The following IRAK4 variants were observed in gnomAD, a reference collection of about 807,000 sequenced individuals.
IRAK4 encodes interleukin-1 receptor-associated kinase 4.
IRAK4 carries 44 observed loss-of-function variants against 51.8 expected under a neutral mutation model. That is an observed-to-expected ratio of 0.85 (90% CI 0.67 to 1.09). The LOEUF (loss-of-function observed/expected upper bound fraction) is 1.09. Among genes scored for constraint, IRAK4 ranks in the 50% least tolerant of loss-of-function variants. The pLI, the probability that IRAK4 is intolerant of heterozygous loss-of-function variation, is 0.00. For missense variants in IRAK4, 487 were observed against 538.0 expected (o/e 0.91, Z 0.94); for synonymous variants, 149 against 174.1 (o/e 0.86, Z 1.13).
At position 43,779,024 on chromosome 12, in the gene IRAK4, A is replaced by G. The variant is rs536701996; in HGVS notation, c.941+722A>G. Among the ~76,000 whole-genome samples the G allele has an allele frequency of 2.6e-5, 4 of 152,228 alleles. No homozygotes were observed. The East Asian group carries it at 7.7e-4, about 29-fold the overall frequency. ...TACAAGAAATGAAATATGCTTTGGGAGCCAAGATAGGAGGATCATTTGAGG... is the reference window on the plus strand; with the variant it reads ...TACAAGAAATGAAATATGCTTTGGGGGCCAAGATAGGAGGATCATTTGAGG... On this transcript the variant is annotated intron_variant, in intron 8 of 11. Coordinates refer to ENST00000613694, the MANE Select transcript of IRAK4 (RefSeq NM_016123.4).
chr12:43,773,402 A>C (rs1940976595), intron 5 of IRAK4, among the ~76,000 whole-genome samples: 1 of 152,090 alleles, frequency 6.6e-6, no homozygotes, highest in African/African-American at 2.4e-5. Context: ...TTTTTAAAAA[A>C]CCTTGTTTGC....
intron 6 of IRAK4, among the ~76,000 whole-genome samples, chr12:43,776,046 T>C (rs1265111966): frequency 6.6e-6 from 1 of 151,926 alleles, no homozygotes; most frequent in East Asian, 1.9e-4. Context: ...CATGCCCGGC[T>C]AATTTTGTTT....
At chr12:43,765,627 TTG>T (rs1940048659) in intron 1 of IRAK4, among the ~76,000 whole-genome samples, 2 of 136,622 alleles carry the variant, frequency 1.5e-5, no homozygotes, top group Non-Finnish European at 3.0e-5. Flanking sequence ...GAAATACATT[TTG>T]CAAAAAAAAA....
At chr12:43,776,477 A>T (rs563029466) in intron 6 of IRAK4, among the ~76,000 whole-genome samples, 1 of 152,254 alleles carries the variant, frequency 6.6e-6, no homozygotes, top group Non-Finnish European at 1.5e-5. Flanking sequence ...AATTGATATA[A>T]TGAACTGCTA....
intron 2 of IRAK4, chr12:43,770,923 T>C: frequency 1.8e-6 from 1 of 547,682 alleles, no homozygotes; most frequent in Non-Finnish European, 3.4e-6. Context: ...AGGGAGTGGG[T>C]TTCTGATAAA....
chr12:43,775,762 T>A (rs1201942376), intron 6 of IRAK4, among the ~76,000 whole-genome samples: 1 of 152,088 alleles, frequency 6.6e-6, no homozygotes, highest in Non-Finnish European at 1.5e-5. Context: ...ATGCATGAAC[T>A]TTTTAAAGAC....
chr12:43,775,882 T>C (rs2137979716), intron 6 of IRAK4, among the ~76,000 whole-genome samples: 1 of 138,822 alleles, frequency 7.2e-6, no homozygotes, highest in Middle Eastern at 3.6e-3. Flanking sequence ...TACTTTTTTT[T>C]TTTTTTTTTT....
At chr12:43,779,073 G>T (rs1040316652) in intron 8 of IRAK4, among the ~76,000 whole-genome samples, 1 of 152,082 alleles carries the variant, frequency 6.6e-6, no homozygotes, top group Non-Finnish European at 1.5e-5. Context: ...ACCTGACTAT[G>T]TTCCCTGAAC....
rs372909606 is a variant in IRAK4 at position 43,783,730 on chromosome 12, T to C, written c.1188+6T>C. 3.2e-6 allele frequency: 5 copies of C among 1,581,970 alleles called. No homozygotes were observed. Among genetic ancestry groups the C allele is most frequent in the Non-Finnish European group, 4.3e-6 (5 of 1,151,930 alleles). On this transcript the variant is annotated splice_donor_region_variant and intron_variant, in intron 10 of 11. Coordinates refer to ENST00000613694, the MANE Select transcript of IRAK4 (RefSeq NM_016123.4). ...ACCGTGAACCTCAGTTATTGGTAAATGAAATATTCATTTTCCTCAATCCTT... is the reference window on the plus strand; with the variant it reads ...ACCGTGAACCTCAGTTATTGGTAAACGAAATATTCATTTTCCTCAATCCTT...
At position 43,777,714 on chromosome 12, in the gene IRAK4, T is replaced by G; in HGVS notation, c.801T>G (p.Asn267Lys). ...DLCLVYVYMP[N>K]GSLLDRLSCL... Reference sequence around the variant, plus strand: ...GCTTAGTATATGTTTACATGCCTAATGGTTCATTGCTAGACAGACTCTCTT... The same window carrying G: ...GCTTAGTATATGTTTACATGCCTAAGGGTTCATTGCTAGACAGACTCTCTT... Residue 267 changes from asparagine (N) to lysine (K), a missense_variant, in exon 7 of 12, where the codon AAT becomes AAG. Coordinates refer to ENST00000613694, the MANE Select transcript of IRAK4 (RefSeq NM_016123.4). 6.2e-7 allele frequency: 1 copy of G among 1,613,356 alleles called. No homozygotes were observed. The highest frequency in any genetic ancestry group is 2.2e-5 in the East Asian group (1 of 44,740).
At chr12:43,770,506 G>A (rs546391945) in intron 2 of IRAK4, among the ~76,000 whole-genome samples, 1 of 152,254 alleles carries the variant, frequency 6.6e-6, no homozygotes, top group East Asian at 1.9e-4. Flanking sequence ...AAATTCATAT[G>A]ATAATCATAA....
chr12:43,770,801 T>C (rs1043068173), intron 2 of IRAK4, among the ~76,000 whole-genome samples: 5 of 152,192 alleles, frequency 3.3e-5, no homozygotes, highest in South Asian at 2.1e-4. Context: ...AGAAACTTAA[T>C]ACCCATTGCA....
chr12:43,761,048 A>G (rs1939495671), intron 1 of IRAK4: 1 of 152,180 alleles, frequency 6.6e-6, no homozygotes, highest in Non-Finnish European at 1.5e-5. Context: ...GTGTTGGATC[A>G]ATGTTCAAGA....
Position 43,768,201 on chromosome 12 carries a change from A to G in IRAK4, c.90A>G (p.Glu30=). The G allele has an allele frequency of 1.2e-6, 2 of 1,613,524 alleles. No homozygotes were observed. Among genetic ancestry groups the G allele is most frequent in the South Asian group, 2.2e-5 (2 of 91,038 alleles). ...TGTCAGATTTTATTGATCCTCAAGA[A>G]GGATGGAAGAAGTTAGCTGTAGCTA... The part of the protein sequence containing the change: ...RKLSDFIDPQ[E]GWKKLAVAIK... Residue 30 remains glutamate, a synonymous_variant, in exon 2 of 12, where the codon GAA becomes GAG. Transcript: ENST00000613694.
intron 1 of IRAK4, chr12:43,760,837 T>A (rs1939462962): frequency 1.3e-5 from 2 of 152,234 alleles, no homozygotes; most frequent in South Asian, 4.1e-4. Flanking sequence ...ATTGCCTTCC[T>A]TCCTCCATTA....
rs780681951 is a variant in IRAK4, at chr12:43,782,338, G to A, written c.973G>A (p.Ala325Thr). Residue 325 changes from alanine to threonine, a missense_variant, in exon 9 of 12, where the codon GCT becomes ACT. Physicochemically the swap from Ala to Thr is moderately conservative, Grantham distance 58. Coordinates refer to ENST00000613694, the MANE Select transcript of IRAK4 (RefSeq NM_016123.4). ...TATCTTACTGGATGAAGCTTTTACTGCTAAAATATCTGACTTTGGCCTTGC... is the reference window on the plus strand; with the variant it reads ...TATCTTACTGGATGAAGCTTTTACTACTAAAATATCTGACTTTGGCCTTGC... ...ANILLDEAFT[A>T]KISDFGLARA... is the part of the protein sequence containing the mutation. 2 of 1,613,508 alleles carry A rather than the reference G, an allele frequency of 1.2e-6. No homozygotes were observed. Among genetic ancestry groups the A allele is most frequent in the South Asian group, 2.2e-5 (2 of 91,054 alleles).
At chr12:43,773,902 TC>T in intron 5 of IRAK4, 62 bp from the exon 6 acceptor site, 1 of 1,020,062 alleles carries the variant, frequency 9.8e-7, no homozygotes. Flanking sequence ...GATCTCTTGA[TC>T]CCTCTGAGCA....
chr12:43,768,277 CA>C lies in IRAK4; in HGVS notation c.161+6del. 1 of 1,598,002 alleles carries C rather than the reference CA, an allele frequency of 6.3e-7. No homozygotes were observed. The highest frequency in any genetic ancestry group is 8.6e-7 in the Non-Finnish European group (1 of 1,166,832). On this transcript the variant is annotated splice_donor_region_variant and intron_variant, in intron 2 of 11. Coordinates refer to ENST00000613694, the MANE Select transcript of IRAK4 (RefSeq NM_016123.4). Reference sequence around the variant, plus strand: ...ATACAATCAGTTTCACATAAGGTAACAGATAAAATTCTTTGTATTTTTAAAT... The same window carrying C: ...ATACAATCAGTTTCACATAAGGTAACGATAAAATTCTTTGTATTTTTAAAT...
chr12:43,776,786 A>G (rs1341811200), intron 6 of IRAK4, among the ~76,000 whole-genome samples: 1 of 152,204 alleles, frequency 6.6e-6, no homozygotes, highest in Non-Finnish European at 1.5e-5. Context: ...ACTTTATTAG[A>G]TTGTAGGTCT....
Sources: gnomAD v4.1 joint callset for allele counts (sites outside exome capture counted in the v4.1 genomes callset) on GRCh38, gnomAD v4.1.1 for gene constraint, MANE v1.5 for transcripts, NCBI Gene and HGNC (gene_info 2026-07-23, HGNC 2026-07-21) for gene names.